SCGB1A1: variants seen among roughly 807,000 people sequenced by gnomAD.
SCGB1A1 encodes the protein secretoglobin family 1A member 1, also known as uteroglobin.
In SCGB1A1, 8 loss-of-function variants were observed where a neutral mutation model predicts 7.5. The observed-to-expected ratio is 1.07, with a 90% CI of 0.63 to 1.92. The LOEUF is 1.92. Among genes scored for constraint, SCGB1A1 ranks in the 30% most tolerant of loss-of-function variants. The pLI is 0.00. For synonymous variants in SCGB1A1, 44 were observed against 40.8 expected, an observed-to-expected ratio of 1.08 and a Z score of -0.30; for missense variants, 121 against 112.7, an observed-to-expected ratio of 1.07 and a Z score of -0.33.
At chr11:62,422,782 C>T (rs1219038749) in intron 2 of SCGB1A1, among the ~76,000 whole-genome samples, 1 of 152,082 alleles carries the variant, frequency 6.6e-6, no homozygotes, top group Non-Finnish European at 1.5e-5. Flanking sequence ...CCGTGTTTGC[C>T]AGGCTGGTCT....
intron 2 of SCGB1A1, among the ~76,000 whole-genome samples, 163 bp downstream of exon 2, chr11:62,422,571 CTTTTTTTTT>C (rs35723955): frequency 1.8e-5 from 2 of 112,390 alleles, no homozygotes; most frequent in Middle Eastern, 5.0e-3. Context: ...TCTCCTCTTC[CTTTTTTTTT>C]TTTTTTTTTT....
In SCGB1A1 at chr11:62,422,264, C is replaced by A. The variant is rs41465250; in HGVS notation, c.99C>A (p.Thr33=). 6.2e-7 allele frequency: 1 copy of A among 1,613,634 alleles called. No homozygotes were observed. The highest frequency in any genetic ancestry group is 8.5e-7 in the Non-Finnish European group (1 of 1,179,662). The change falls in exon 2 of 3, where the codon ACC becomes ACA. Residue 33 remains threonine (T), a synonymous_variant. Transcript: ENST00000278282. ...CGAGCTTTCAGCGTGTCATCGAAAC[C>A]CTCCTCATGGACACACCCTCCAGTT... ...ICPSFQRVIE[T]LLMDTPSSYE... is the part of the protein sequence containing the mutation.
intron 1 of SCGB1A1, 59 bp downstream of exon 1, chr11:62,419,209 G>C: frequency 7.7e-7 from 1 of 1,302,580 alleles, no homozygotes; most frequent in Non-Finnish European, 1.0e-6. Context: ...GGACCCCCCA[G>C]TTCTGCTCAG....
intron 1 of SCGB1A1, among the ~76,000 whole-genome samples, chr11:62,420,245 A>G (rs918951466): frequency 6.6e-6 from 1 of 152,070 alleles, no homozygotes; most frequent in African/African-American, 2.4e-5. Context: ...ACATGCATAC[A>G]ATATTTAACA....
chr11:62,423,170 C>T lies in SCGB1A1; in HGVS notation c.*79C>T. The T allele has an allele frequency of 1.4e-6, 2 of 1,451,562 alleles. No individual in the cohort carries two copies. The highest frequency in any genetic ancestry group is 1.9e-6 in the Non-Finnish European group (2 of 1,033,738). 89.9% of individuals were successfully genotyped at this position (1,451,562 alleles called of 1,614,324 possible). A position where few individuals can be genotyped will look rare whatever the true frequency, so the allele number is the denominator to read the frequency against. On this transcript the variant is annotated 3_prime_UTR_variant, in exon 3 of 3. Transcript: ENST00000278282. The stretch of plus-strand genomic sequence containing the variant: ...TGAGTCCACGCCCACCAGCCTTGCT[C>T]TCTTCAATAAACCACAAGCATCTCA...
intron 1 of SCGB1A1, 42 bp downstream of exon 1, chr11:62,419,192 A>G (rs770160846): frequency 7.2e-7 from 1 of 1,391,892 alleles, no homozygotes; most frequent in South Asian, 1.8e-5. Flanking sequence ...GGACTTAGGA[A>G]CTCTCAGGAC....
intron 1 of SCGB1A1, chr11:62,422,014 A>G (rs1433295387): frequency 1.2e-5 from 5 of 415,818 alleles, no homozygotes; most frequent in Non-Finnish European, 2.1e-5. Flanking sequence ...TCCAACAGAA[A>G]GAAAAACGGC....
chr11:62,422,367 A>T lies in SCGB1A1; in HGVS notation c.202A>T (p.Thr68Ser). 3 of 1,613,686 alleles carry T rather than the reference A, an allele frequency of 1.9e-6. No homozygotes were observed. The highest frequency in any genetic ancestry group is 2.5e-6 in the Non-Finnish European group (3 of 1,179,818). Reference sequence around the variant, plus strand: ...GGCTCAGCTGAAGAAGCTGGTGGACACCCTCCCCCAAAAGCCCAGAGAAAG... The same window carrying T: ...GGCTCAGCTGAAGAAGCTGGTGGACTCCCTCCCCCAAAAGCCCAGAGAAAG... ...AGAQLKKLVD[T>S]LPQKPRESII... Residue 68 changes from threonine (T) to serine (S), a missense_variant, in exon 2 of 3, where the codon ACC becomes TCC. Physicochemically the swap from Thr to Ser is moderately conservative, Grantham distance 58. Transcript: ENST00000278282.
Position 62,421,601 on chromosome 11 carries a change from T to TC in SCGB1A1, c.56-618dup, listed in dbSNP as rs1937794887. 3.3e-5 allele frequency among the ~76,000 whole-genome samples: 5 copies of TC among 152,206 alleles called. No individual in the cohort carries two copies. The South Asian group carries it at 1.0e-3, about 32-fold the overall frequency. On this transcript the variant is annotated intron_variant, in intron 1 of 2. Transcript: ENST00000278282. ...ATCTCAGCTCACTGCAACTTCTGCT[T>TC]CCTGGATTCAAGTGATTCTCCTGCC...
rs765904587 is a variant in SCGB1A1, at chr11:62,422,237, C to T, written c.72C>T (p.Cys24=). 83 of 1,612,132 alleles carry T rather than the reference C, an allele frequency of 5.1e-5. No homozygotes were observed. The highest frequency in any genetic ancestry group is 6.7e-5 in the Non-Finnish European group (79 of 1,178,852). ...LCCSSASAEI[C]PSFQRVIETL... ...GTGTTGCAGCTTCTGCAGAGATCTG[C>T]CCGAGCTTTCAGCGTGTCATCGAAA... Residue 24 remains cysteine, a synonymous_variant, in exon 2 of 3, where the codon TGC becomes TGT. Transcript: ENST00000278282.
At chr11:62,422,556 A>G (rs901157605) in intron 2 of SCGB1A1, 148 bp downstream of exon 2, 8 of 500,412 alleles carry the variant, frequency 1.6e-5, no homozygotes, top group Admixed American at 3.5e-5. Flanking sequence ...TGATCTTTCT[A>G]GACATCTCCT....
intron 1 of SCGB1A1, among the ~76,000 whole-genome samples, chr11:62,420,035 C>T (rs929252022): frequency 1.3e-5 from 2 of 152,158 alleles, no homozygotes; most frequent in Admixed American, 6.6e-5. Flanking sequence ...AGTTAGAAAA[C>T]CCAAACCAAG....
chr11:62,422,064 G>T (rs41521749), intron 1 of SCGB1A1, 157 bp from the exon 2 acceptor site: 598 of 523,350 alleles, frequency 1.1e-3, no homozygotes, highest in Middle Eastern at 4.1e-3. Context: ...AGGAAGACTC[G>T]GGCAATCCAC....
chr11:62,422,564 C>A (rs886320221), intron 2 of SCGB1A1, among the ~76,000 whole-genome samples, 156 bp downstream of exon 2: 2 of 147,448 alleles, frequency 1.4e-5, no homozygotes, highest in Non-Finnish European at 3.0e-5. Flanking sequence ...CTAGACATCT[C>A]CTCTTCCTTT....
In SCGB1A1 at chr11:62,422,406, A is replaced by G. The variant is rs1937820438; in HGVS notation, c.241A>G (p.Met81Val). The G allele has an allele frequency of 6.2e-7, 1 of 1,604,702 alleles. No individual in the cohort carries two copies. Among genetic ancestry groups the G allele is most frequent in the Non-Finnish European group, 8.5e-7 (1 of 1,172,254 alleles). Residue 81 changes from methionine to valine, a missense_variant and splice_region_variant, in exon 2 of 3, where the codon ATG (methionine) becomes GTG (valine). By Grantham distance (21) the Met-to-Val change is conservative. Transcript: ENST00000278282. ...QKPRESIIKL[M>V]EKIAQSSLCN ...GCCCAGAGAAAGCATCATTAAGCTCATGGTAACCAGCACCTTTCACGTCAC... is the reference window on the plus strand; with the variant it reads ...GCCCAGAGAAAGCATCATTAAGCTCGTGGTAACCAGCACCTTTCACGTCAC...
At chr11:62,422,524 T>G in intron 2 of SCGB1A1, 116 bp downstream of exon 2, 1 of 767,422 alleles carries the variant, frequency 1.3e-6, no homozygotes, top group Non-Finnish European at 2.0e-6. Flanking sequence ...ACAGTGCCAC[T>G]GTCCCCAGGC....
At position 62,421,483 on chromosome 11, in the gene SCGB1A1, T is replaced by TC. The variant is rs1351595124; in HGVS notation, c.56-738_56-737insC. 6.4e-3 allele frequency among the ~76,000 whole-genome samples: 907 copies of TC among 141,732 alleles called. 4 individuals are homozygous for TC. The highest frequency in any genetic ancestry group is 0.054 in the Middle Eastern group (15 of 280). The allele number at this position is 141,732 out of a possible 152,430, so 93.0% of individuals were successfully genotyped here. On this transcript the variant is annotated intron_variant, in intron 1 of 2. Coordinates refer to ENST00000278282, the MANE Select transcript of SCGB1A1 (RefSeq NM_003357.5). ...TTTCTTTTCTTTTCTTTTCTTCTTT[T>TC]TCTTTTCTCTTGCTTGCTTGCTTGC...
At position 62,419,084 on chromosome 11, in the gene SCGB1A1, C is replaced by A. The variant is rs776027137; in HGVS notation, c.-12C>A. 6 of 1,584,874 alleles carry A rather than the reference C, an allele frequency of 3.8e-6. No individual in the cohort carries two copies. Among genetic ancestry groups the A allele is most frequent in the Non-Finnish European group, 5.2e-6 (6 of 1,163,244 alleles). On this transcript the variant is annotated 5_prime_UTR_variant, in exon 1 of 3. Coordinates refer to ENST00000278282, the MANE Select transcript of SCGB1A1 (RefSeq NM_003357.5). Reference sequence around the variant, plus strand: ...GAACCAGAGACGGGCCAGAGCATCCCCCTCCTCCACCATGAAACTCGCTGT... The same window carrying A: ...GAACCAGAGACGGGCCAGAGCATCCACCTCCTCCACCATGAAACTCGCTGT...
Position 62,419,104 on chromosome 11 carries a change from C to T in SCGB1A1, c.9C>T (p.Leu3=), listed in dbSNP as rs906874927. The change falls in exon 1 of 3, where the codon CTC becomes CTT. Residue 3 remains leucine, a synonymous_variant. Transcript: ENST00000278282. MK[L]AVTLTLVTLA... is the part of the protein sequence containing the mutation. ...CATCCCCCTCCTCCACCATGAAACT[C>T]GCTGTCACCCTCACCCTGGTCACAC... The T allele has an allele frequency of 7.6e-6, 12 of 1,583,494 alleles. No homozygotes were observed. The highest frequency in any genetic ancestry group is 1.7e-5 in the Admixed American group (1 of 58,142).
Sources: allele counts gnomAD v4.1 joint callset (sites outside exome capture counted in the v4.1 genomes callset), GRCh38; gene constraint gnomAD v4.1.1; transcripts MANE v1.5; gene names NCBI Gene and HGNC (gene_info 2026-07-23, HGNC 2026-07-21).